Variants in GFOD1 observed in about 807,000 individuals in gnomAD.
GFOD1 encodes glucose-fructose oxidoreductase domain-containing protein 1.
In GFOD1, 9 loss-of-function variants were observed where a neutral mutation model predicts 25.4. The ratio of observed to expected loss-of-function variants is 0.35; its 90% CI spans 0.21 to 0.62. The LOEUF is 0.62. Ranked by LOEUF, GFOD1 falls within the 20% of genes least tolerant of loss-of-function variation. The pLI, the probability that GFOD1 is intolerant of heterozygous loss-of-function variation, is 0.72. For missense variants in GFOD1, 403 were observed against 556.9 expected (o/e 0.72, Z 2.78); for synonymous variants, 253 against 245.6 (o/e 1.03, Z -0.28).
chr6:13,444,515 GA>G (rs532290654), intron 1 of GFOD1, among the ~76,000 whole-genome samples: 1 of 151,246 alleles, frequency 6.6e-6, no homozygotes, highest in African/African-American at 2.4e-5. Flanking sequence ...AAAAAAAAAA[GA>G]ACCTTTCTCT....
At chr6:13,412,400 C>T (rs1786091691) in intron 1 of GFOD1, among the ~76,000 whole-genome samples, 1 of 152,186 alleles carries the variant, frequency 6.6e-6, no homozygotes, top group South Asian at 2.1e-4. Context: ...ACCAACCCTG[C>T]TGGCACCTTG....
chr6:13,368,033 G>A (rs1785080743), intron 1 of GFOD1, among the ~76,000 whole-genome samples: 1 of 152,184 alleles, frequency 6.6e-6, no homozygotes, highest in African/African-American at 2.4e-5. Flanking sequence ...CACTTACAAC[G>A]TGCTGAGCTA....
chr6:13,454,206 C>T (rs903823527), intron 1 of GFOD1, among the ~76,000 whole-genome samples: 10 of 152,146 alleles, frequency 6.6e-5, no homozygotes, highest in Non-Finnish European at 1.5e-4. Context: ...GGAACAGACT[C>T]CCTCACAGCC....
In GFOD1 at chr6:13,468,315, C is replaced by T. The variant is rs143742925; in HGVS notation, c.253+18323G>A. Among the ~76,000 whole-genome samples the T allele has an allele frequency of 4.7e-4, 72 of 152,184 alleles. No individual in the cohort carries two copies. In the East Asian group the frequency reaches 0.013, roughly 28 times the overall value. ...AAAATTTCCTATATTGCTAGTCTTC[C>T]TACACATAATTCTAATGGCTATTTA... On this transcript the variant is annotated intron_variant, in intron 1 of 1. Coordinates refer to ENST00000379287, the MANE Select transcript of GFOD1 (RefSeq NM_018988.4).
chr6:13,375,585 G>A (rs1215237597), intron 1 of GFOD1, among the ~76,000 whole-genome samples: 2 of 152,210 alleles, frequency 1.3e-5, no homozygotes, highest in African/African-American at 4.8e-5. Context: ...CTTGGAAAGA[G>A]GGTTACAGCC....
intron 1 of GFOD1, among the ~76,000 whole-genome samples, chr6:13,443,639 A>C (rs560390910): frequency 1.3e-5 from 2 of 152,122 alleles, no homozygotes; most frequent in East Asian, 3.9e-4. Flanking sequence ...AACATGGTGA[A>C]ACCCCGTCTC....
intron 1 of GFOD1, among the ~76,000 whole-genome samples, chr6:13,366,440 A>G (rs1417979122): frequency 6.6e-6 from 1 of 152,048 alleles, no homozygotes; most frequent in Non-Finnish European, 1.5e-5. Context: ...GGTTCAAACG[A>G]TTCTCCTGCC....
chr6:13,485,368 C>T (rs975798088), intron 1 of GFOD1, among the ~76,000 whole-genome samples: 2 of 152,248 alleles, frequency 1.3e-5, no homozygotes, highest in African/African-American at 4.8e-5. Context: ...GACTACATAA[C>T]TTCCGGCTGG....
chr6:13,379,679 C>T (rs1785320806), intron 1 of GFOD1, among the ~76,000 whole-genome samples: 1 of 152,184 alleles, frequency 6.6e-6, no homozygotes, highest in East Asian at 1.9e-4. Flanking sequence ...AACTAAGGTC[C>T]TTTCAAATAA....
chr6:13,374,728 CTTTTTTTTTTTTT>C (rs147560408), intron 1 of GFOD1, among the ~76,000 whole-genome samples: 3 of 66,780 alleles, frequency 4.5e-5, no homozygotes, highest in African/African-American at 1.4e-4. Flanking sequence ...CATCTCAAAT[CTTTTTTTTTTTTT>C]TTTTTTTTTT....
intron 1 of GFOD1, among the ~76,000 whole-genome samples, chr6:13,371,438 C>T (rs950259177): frequency 6.6e-6 from 1 of 152,206 alleles, no homozygotes; most frequent in Non-Finnish European, 1.5e-5. Context: ...CTTTAGGTCT[C>T]AGGTTTACAT....
At position 13,361,793 on chromosome 6, in the gene GFOD1, A is replaced by C. The variant is rs1784950616; in HGVS notation, c.*2950T>G. 6.6e-6 allele frequency: 1 copy of C among 152,156 alleles called. No individual in the cohort carries two copies. The highest frequency in any genetic ancestry group is 1.5e-5 in the Non-Finnish European group (1 of 68,032). 9.4% of individuals were successfully genotyped at this position (152,156 alleles called of 1,614,324 possible). ...TTCAGTAGATAAAATTTGAGTACAC[A>C]CACTAAAATATTTTTTCATGCCTCT... On this transcript the variant is annotated 3_prime_UTR_variant, in exon 2 of 2. Transcript: ENST00000379287.
intron 1 of GFOD1, among the ~76,000 whole-genome samples, chr6:13,409,922 CA>C (rs757548005): frequency 0.086 from 6,158 of 71,970 alleles, 100 homozygotes; most frequent in South Asian, 0.22. Context: ...GGCTCCATTT[CA>C]AAAAAAAAAA....
intron 1 of GFOD1, among the ~76,000 whole-genome samples, chr6:13,469,091 G>A (rs577193874): frequency 6.6e-6 from 1 of 152,288 alleles, no homozygotes; most frequent in South Asian, 2.1e-4. Flanking sequence ...GCCTGCTCTT[G>A]GGGACTTCCC....
chr6:13,485,741 C>A (rs1758849839), intron 1 of GFOD1, among the ~76,000 whole-genome samples: 1 of 152,202 alleles, frequency 6.6e-6, no homozygotes, highest in East Asian at 1.9e-4. Context: ...GCCCACGGGT[C>A]AACACTGTGC....
chr6:13,440,844 CA>C (rs1367209706), intron 1 of GFOD1, among the ~76,000 whole-genome samples: 1 of 152,102 alleles, frequency 6.6e-6, no homozygotes, highest in Non-Finnish European at 1.5e-5. Context: ...CCAGCTTTGC[CA>C]AAATTTCCCT....
chr6:13,471,455 A>T (rs1349848927), intron 1 of GFOD1, among the ~76,000 whole-genome samples: 1 of 152,128 alleles, frequency 6.6e-6, no homozygotes, highest in Non-Finnish European at 1.5e-5. Context: ...CCTGTAATAA[A>T]CCTGAGGGAA....
chr6:13,451,549 G>C (rs755500387), intron 1 of GFOD1, among the ~76,000 whole-genome samples: 2 of 152,192 alleles, frequency 1.3e-5, no homozygotes, highest in Non-Finnish European at 2.9e-5. Flanking sequence ...CCGAGTAGCT[G>C]TCAAGCAGGT....
intron 1 of GFOD1, among the ~76,000 whole-genome samples, chr6:13,436,788 C>T (rs1423694606): frequency 4.6e-5 from 7 of 152,186 alleles, no homozygotes; most frequent in African/African-American, 9.7e-5. Flanking sequence ...TTCTCCATTT[C>T]GTATATGAGA....
Sources: gnomAD v4.1 joint callset for allele counts (sites outside exome capture counted in the v4.1 genomes callset) on GRCh38, gnomAD v4.1.1 for gene constraint, MANE v1.5 for transcripts, NCBI Gene and HGNC (gene_info 2026-07-23, HGNC 2026-07-21) for gene names.